Variants in GRID2 observed in about 807,000 individuals in gnomAD.
GRID2 encodes glutamate receptor ionotropic, delta-2.
GRID2 carries 33 observed loss-of-function variants against 114.8 expected under a neutral mutation model. The observed-to-expected ratio is 0.29, with a 90% CI of 0.22 to 0.38. The LOEUF is 0.38. Ranked by LOEUF, GRID2 falls within the 10% of genes least tolerant of loss-of-function variation. The pLI is 1.00. For missense variants in GRID2, 1,184 were observed against 1,257.7 expected, an observed-to-expected ratio of 0.94 and a Z score of 0.89; for synonymous variants, 505 against 449.9, an observed-to-expected ratio of 1.12 and a Z score of -1.55.
chr4:93,536,227 G>A (rs905524712), intron 13 of GRID2, among the ~76,000 whole-genome samples: 3 of 151,756 alleles, frequency 2.0e-5, no homozygotes, highest in African/African-American at 7.2e-5. Context: ...ATGAAACTAC[G>A]AAAGACTACA....
At chr4:93,078,940 A>G (rs1409984010) in intron 2 of GRID2, among the ~76,000 whole-genome samples, 1 of 147,702 alleles carries the variant, frequency 6.8e-6, no homozygotes, top group East Asian at 2.0e-4. Flanking sequence ...TATAAAACTT[A>G]TGAAAATATA....
chr4:92,941,820 T>C (rs924041008), intron 2 of GRID2, among the ~76,000 whole-genome samples: 4 of 152,202 alleles, frequency 2.6e-5, no homozygotes, highest in African/African-American at 9.6e-5. Context: ...GTTCATTTTT[T>C]TGTGTACCCA....
intron 2 of GRID2, among the ~76,000 whole-genome samples, chr4:92,843,882 T>C (rs1743097745): frequency 6.6e-6 from 1 of 152,176 alleles, no homozygotes; most frequent in Non-Finnish European, 1.5e-5. Flanking sequence ...GTAGGTCTAC[T>C]GTGCTCTTTG....
intron 2 of GRID2, among the ~76,000 whole-genome samples, chr4:92,690,253 C>T (rs568636397): frequency 2.6e-5 from 4 of 151,804 alleles, no homozygotes; most frequent in South Asian, 2.1e-4. Context: ...ACTTAGAGGC[C>T]GTTGTAGGCT....
chr4:93,670,488 G>A (rs192349409), intron 14 of GRID2, among the ~76,000 whole-genome samples: 73 of 152,168 alleles, frequency 4.8e-4, no homozygotes, highest in African/African-American at 1.8e-3. Context: ...TTTTAACTTG[G>A]ATTTATAAGC....
intron 1 of GRID2, among the ~76,000 whole-genome samples, chr4:92,482,213 G>C (rs889145950): frequency 6.6e-6 from 1 of 151,298 alleles, no homozygotes; most frequent in Admixed American, 6.6e-5. Flanking sequence ...AATAACACAG[G>C]AATAGAAAAC....
At chr4:92,471,248 C>G (rs1234723089) in intron 1 of GRID2, among the ~76,000 whole-genome samples, 1 of 151,976 alleles carries the variant, frequency 6.6e-6, no homozygotes, top group East Asian at 1.9e-4. Context: ...TGTTGATCTG[C>G]AAAATATTCT....
intron 1 of GRID2, among the ~76,000 whole-genome samples, chr4:92,547,282 T>A (rs17019545): frequency 6.6e-6 from 1 of 152,260 alleles, no homozygotes; most frequent in South Asian, 2.1e-4. Flanking sequence ...TAGAATTAGC[T>A]TACCTTACTG....
intron 2 of GRID2, among the ~76,000 whole-genome samples, chr4:92,958,842 G>T (rs1752601968): frequency 6.6e-6 from 1 of 151,898 alleles, no homozygotes; most frequent in Admixed American, 6.6e-5. Flanking sequence ...GATTCAATTT[G>T]TTTGGTAAAT....
chr4:93,295,047 G>C (rs1301338927), intron 8 of GRID2, among the ~76,000 whole-genome samples: 1 of 152,126 alleles, frequency 6.6e-6, no homozygotes, highest in Non-Finnish European at 1.5e-5. Flanking sequence ...GACTGAAGAA[G>C]ATGAGAAATC....
intron 13 of GRID2, among the ~76,000 whole-genome samples, chr4:93,594,429 G>T (rs948629485): frequency 2.3e-4 from 35 of 152,280 alleles, no homozygotes; most frequent in African/African-American, 5.3e-4. Flanking sequence ...CTCCAGCTGC[G>T]TACTGGGAGA....
intron 8 of GRID2, among the ~76,000 whole-genome samples, chr4:93,283,615 C>G (rs1752870882): frequency 6.6e-6 from 1 of 151,908 alleles, no homozygotes; most frequent in Non-Finnish European, 1.5e-5. Context: ...CCTTATTGTC[C>G]CAGGAAATTG....
chr4:93,580,617 A>G (rs1414042843), intron 13 of GRID2, among the ~76,000 whole-genome samples: 1 of 152,164 alleles, frequency 6.6e-6, no homozygotes, highest in East Asian at 1.9e-4. Context: ...ATGATGCCAT[A>G]TTCTAAATGA....
At chr4:93,470,122 G>A (rs1724659920) in intron 11 of GRID2, among the ~76,000 whole-genome samples, 1 of 152,018 alleles carries the variant, frequency 6.6e-6, no homozygotes, top group African/African-American at 2.4e-5. Context: ...CATTAAAAAG[G>A]ATAAGCATAT....
At chr4:93,467,047 A>G (rs1159380416) in intron 11 of GRID2, among the ~76,000 whole-genome samples, 2 of 152,192 alleles carry the variant, frequency 1.3e-5, no homozygotes, top group African/African-American at 4.8e-5. Context: ...CCACTATTTT[A>G]TGTTATTGCA....
intron 1 of GRID2, among the ~76,000 whole-genome samples, chr4:92,450,284 G>A (rs929942178): frequency 2.0e-5 from 3 of 152,000 alleles, no homozygotes; most frequent in African/African-American, 7.2e-5. Context: ...TGAATTTCCT[G>A]AAGTAGAATG....
intron 8 of GRID2, among the ~76,000 whole-genome samples, chr4:93,239,567 A>T (rs570144192): frequency 6.6e-6 from 1 of 151,624 alleles, no homozygotes; most frequent in Admixed American, 6.6e-5. Context: ...CAATAAATTC[A>T]TGCTAATATG....
chr4:92,776,432 A>G (rs1738796731), intron 2 of GRID2, among the ~76,000 whole-genome samples: 1 of 152,090 alleles, frequency 6.6e-6, no homozygotes, highest in South Asian at 2.1e-4. Flanking sequence ...GACACACATG[A>G]CATCCACACA....
At chr4:93,263,124 A>G (rs1459629863) in intron 8 of GRID2, among the ~76,000 whole-genome samples, 5 of 151,934 alleles carry the variant, frequency 3.3e-5, no homozygotes, top group Admixed American at 6.6e-5. Flanking sequence ...TCTCATTTAT[A>G]TTTTAAAAGC....
Sources: gnomAD v4.1 joint callset for allele counts (sites outside exome capture counted in the v4.1 genomes callset) on GRCh38, gnomAD v4.1.1 for gene constraint, MANE v1.5 for transcripts, NCBI Gene and HGNC (gene_info 2026-07-23, HGNC 2026-07-21) for gene names.